The following IMMP2L variants were observed in gnomAD, a reference collection of about 807,000 sequenced individuals.
IMMP2L encodes mitochondrial inner membrane protease subunit 2.
In IMMP2L, 18 loss-of-function variants were observed where a neutral mutation model predicts 19.3. That is an observed-to-expected ratio of 0.93 (90% CI 0.64 to 1.38). The LOEUF is 1.38. Ranked by LOEUF, IMMP2L falls within the 40% of genes most tolerant of loss-of-function variation. IMMP2L has a pLI of 0.00. For missense variants in IMMP2L, 233 were observed against 218.2 expected, an observed-to-expected ratio of 1.07 and a Z score of -0.43; for synonymous variants, 76 against 73.0, an observed-to-expected ratio of 1.04 and a Z score of -0.21.
At chr7:111,265,498 G>A (rs539900595) in intron 3 of IMMP2L, among the ~76,000 whole-genome samples, 1 of 152,246 alleles carries the variant, frequency 6.6e-6, no homozygotes, top group East Asian at 1.9e-4. Flanking sequence ...TATCATCAAG[G>A]ATTGAAGGAT....
chr7:111,448,448 C>A (rs375377728), intron 3 of IMMP2L, among the ~76,000 whole-genome samples: 32,318 of 149,578 alleles, frequency 0.22, 4,991 homozygotes, highest in African/African-American at 0.44. Flanking sequence ...CAACCTGCTC[C>A]TGAATGACTA....
chr7:111,451,396 G>C (rs1405531471), intron 3 of IMMP2L, among the ~76,000 whole-genome samples: 10 of 150,672 alleles, frequency 6.6e-5, no homozygotes, highest in Admixed American at 6.6e-4. Flanking sequence ...AAAATGATGA[G>C]TTCATGTCCT....
chr7:111,266,651 A>G (rs1817870958), intron 3 of IMMP2L, among the ~76,000 whole-genome samples: 3 of 152,002 alleles, frequency 2.0e-5, no homozygotes, highest in African/African-American at 4.8e-5. Flanking sequence ...TCCCTCATCT[A>G]TAAAATTGAG....
intron 5 of IMMP2L, among the ~76,000 whole-genome samples, chr7:110,775,508 G>A (rs753593019): frequency 6.6e-6 from 1 of 151,950 alleles, no homozygotes; most frequent in African/African-American, 2.4e-5. Flanking sequence ...TGACTAGAGA[G>A]CAGCCCATGG....
intron 5 of IMMP2L, among the ~76,000 whole-genome samples, chr7:110,733,163 T>C (rs78928192): frequency 1.2e-4 from 18 of 152,320 alleles, no homozygotes; most frequent in Non-Finnish European, 2.1e-4. Flanking sequence ...TTAAACAAGA[T>C]ACAAGTCATA....
chr7:111,541,595 CTT>C, intron 1 of IMMP2L, among the ~76,000 whole-genome samples: 1 of 152,202 alleles, frequency 6.6e-6, no homozygotes, highest in Admixed American at 6.5e-5. Context: ...TTATAAGAAA[CTT>C]ATTTTTATTG....
chr7:111,325,715 CTAAATA>C (rs1401938620), intron 3 of IMMP2L, among the ~76,000 whole-genome samples: 1 of 151,650 alleles, frequency 6.6e-6, no homozygotes, highest in Non-Finnish European at 1.5e-5. Flanking sequence ...AATATATCAT[CTAAATA>C]CCTTTCAAAA....
intron 3 of IMMP2L, among the ~76,000 whole-genome samples, chr7:110,978,215 T>A (rs540287773): frequency 6.6e-6 from 1 of 152,040 alleles, no homozygotes; most frequent in Non-Finnish European, 1.5e-5. Context: ...ACTGTTTCAA[T>A]GTTTTCTTTT....
chr7:110,751,495 AC>A (rs1419930074), intron 5 of IMMP2L, among the ~76,000 whole-genome samples: 3 of 152,146 alleles, frequency 2.0e-5, no homozygotes, highest in Admixed American at 2.0e-4. Flanking sequence ...TTCATAAAAA[AC>A]AAAAACAAGA....
intron 3 of IMMP2L, among the ~76,000 whole-genome samples, chr7:111,088,505 G>C (rs752309574): frequency 1.5e-4 from 23 of 152,008 alleles, no homozygotes; most frequent in Admixed American, 7.2e-4. Flanking sequence ...AGAAAAGAAG[G>C]AGAAGAAGGA....
At chr7:111,222,999 CAG>C (rs1412778962) in intron 3 of IMMP2L, among the ~76,000 whole-genome samples, 1 of 151,810 alleles carries the variant, frequency 6.6e-6, no homozygotes, top group East Asian at 1.9e-4. Context: ...ATACCTACAT[CAG>C]AGTTACATAT....
chr7:110,764,149 T>C (rs961777693), intron 5 of IMMP2L, among the ~76,000 whole-genome samples: 1 of 152,136 alleles, frequency 6.6e-6, no homozygotes, highest in Non-Finnish European at 1.5e-5. Context: ...GATAACTACC[T>C]GCCAACATTG....
chr7:111,357,264 T>C (rs1563097333), intron 3 of IMMP2L, among the ~76,000 whole-genome samples: 1 of 152,174 alleles, frequency 6.6e-6, no homozygotes, highest in East Asian at 1.9e-4. Flanking sequence ...CATGCAGCAA[T>C]GATCCCTTAG....
At chr7:111,240,264 C>T (rs746672460) in intron 3 of IMMP2L, among the ~76,000 whole-genome samples, 2 of 151,960 alleles carry the variant, frequency 1.3e-5, no homozygotes, top group Non-Finnish European at 2.9e-5. Flanking sequence ...GACAGAAACT[C>T]ATCATTCCTT....
At chr7:110,898,217 T>G (rs1811513349) in intron 4 of IMMP2L, among the ~76,000 whole-genome samples, 1 of 151,884 alleles carries the variant, frequency 6.6e-6, no homozygotes, top group East Asian at 1.9e-4. Flanking sequence ...AGCAGTGAAA[T>G]TAGCAGAAAT....
intron 3 of IMMP2L, among the ~76,000 whole-genome samples, chr7:111,076,761 A>G (rs779820686): frequency 6.6e-6 from 1 of 152,130 alleles, no homozygotes; most frequent in Non-Finnish European, 1.5e-5. Context: ...GGGGGCAATG[A>G]TGTTATTGTT....
At chr7:110,908,352 C>A (rs1207535470) in intron 4 of IMMP2L, among the ~76,000 whole-genome samples, 1 of 152,162 alleles carries the variant, frequency 6.6e-6, no homozygotes, top group East Asian at 1.9e-4. Context: ...CTTTGAACAT[C>A]TTTCCTTTAA....
chr7:110,876,313 G>A (rs1809061324), intron 5 of IMMP2L, among the ~76,000 whole-genome samples: 1 of 152,102 alleles, frequency 6.6e-6, no homozygotes, highest in African/African-American at 2.4e-5. Flanking sequence ...AGAAAAGGCT[G>A]GTGAAATGAG....
intron 3 of IMMP2L, among the ~76,000 whole-genome samples, chr7:111,174,525 G>C (rs182501072): frequency 6.6e-6 from 1 of 151,678 alleles, no homozygotes; most frequent in African/African-American, 2.4e-5. Flanking sequence ...AAGGTTCAGA[G>C]TGGTTACGGG....
Sources: allele counts gnomAD v4.1 joint callset (sites outside exome capture counted in the v4.1 genomes callset), GRCh38; gene constraint gnomAD v4.1.1; transcripts MANE v1.5; gene names NCBI Gene and HGNC (gene_info 2026-07-23, HGNC 2026-07-21).